Variants in PDE10A observed in about 807,000 individuals in gnomAD.
PDE10A encodes cAMP and cAMP-inhibited cGMP 3',5'-cyclic phosphodiesterase 10A.
A neutral mutation model predicts 97.7 loss-of-function variants in PDE10A; 39 were observed. The ratio of observed to expected loss-of-function variants is 0.40; its 90% CI spans 0.31 to 0.52. The LOEUF is 0.52. Ranked by LOEUF, PDE10A falls within the 20% of genes least tolerant of loss-of-function variation. PDE10A has a pLI of 0.56. For missense variants in PDE10A, 731 were observed against 1,047.8 expected (o/e 0.70, Z 4.17); for synonymous variants, 371 against 376.8 (o/e 0.98, Z 0.18).
intron 1 of PDE10A, among the ~76,000 whole-genome samples, chr6:165,673,092 A>G (rs202065478): frequency 2.3e-5 from 1 of 43,750 alleles, no homozygotes; most frequent in Admixed American, 1.8e-4. Context: ...CAGACCTGTC[A>G]TATCTAGGTG....
chr6:165,340,775 C>T (rs1052668395), intron 19 of PDE10A, among the ~76,000 whole-genome samples: 69 of 152,198 alleles, frequency 4.5e-4, no homozygotes, highest in African/African-American at 1.7e-3. Flanking sequence ...ACCTAAATGG[C>T]AGCTAGGGGC....
At chr6:165,972,662 C>T (rs1784719631) in intron 1 of PDE10A, among the ~76,000 whole-genome samples, 1 of 152,080 alleles carries the variant, frequency 6.6e-6, no homozygotes, top group Non-Finnish European at 1.5e-5. Context: ...CAGGTGCGTG[C>T]CCCTTCAGTG....
chr6:165,434,844 T>C (rs1480586799), intron 6 of PDE10A, among the ~76,000 whole-genome samples: 1 of 152,190 alleles, frequency 6.6e-6, no homozygotes, highest in African/African-American at 2.4e-5. Context: ...CTTAGATTCA[T>C]AAGAAATCAC....
At chr6:165,399,038 G>C (rs1159525828) in intron 13 of PDE10A, among the ~76,000 whole-genome samples, 2 of 152,008 alleles carry the variant, frequency 1.3e-5, no homozygotes, top group Admixed American at 6.6e-5. Flanking sequence ...ATAATAACAG[G>C]CTAGGTTGAT....
intron 18 of PDE10A, among the ~76,000 whole-genome samples, chr6:165,378,775 G>C (rs1239972433): frequency 6.6e-6 from 1 of 152,154 alleles, no homozygotes; most frequent in African/African-American, 2.4e-5. Context: ...GGGGAGTCCA[G>C]TTTCTACACC....
intron 5 of PDE10A, among the ~76,000 whole-genome samples, chr6:165,442,994 C>G (rs529676924): frequency 6.6e-6 from 1 of 151,736 alleles, no homozygotes; most frequent in South Asian, 2.1e-4. Context: ...TACCTGTAGT[C>G]CCAGCTACTC....
chr6:165,970,039 G>C (rs966500380), intron 1 of PDE10A, among the ~76,000 whole-genome samples: 1 of 152,200 alleles, frequency 6.6e-6, no homozygotes, highest in African/African-American at 2.4e-5. Context: ...GTCAGTAATA[G>C]GACAAATGGA....
At chr6:165,559,096 G>A (rs1266734404) in intron 1 of PDE10A, among the ~76,000 whole-genome samples, 4 of 152,172 alleles carry the variant, frequency 2.6e-5, no homozygotes, top group African/African-American at 9.7e-5. Flanking sequence ...TATGTCAAAG[G>A]TGACTCCAAA....
intron 1 of PDE10A, among the ~76,000 whole-genome samples, chr6:165,758,399 T>G (rs993887220): frequency 4.6e-5 from 7 of 151,972 alleles, no homozygotes; most frequent in South Asian, 2.1e-4. Flanking sequence ...AGGCAGAAGA[T>G]GCAGTGAGCC....
At chr6:165,665,713 GA>G (rs1790481840), upstream of PDE10A, among the ~76,000 whole-genome samples, 1 of 151,174 alleles carries the variant, frequency 6.6e-6, no homozygotes, top group African/African-American at 2.4e-5. Context: ...AAAACTAAAA[GA>G]ATATTAAGAG....
intron 1 of PDE10A, among the ~76,000 whole-genome samples, chr6:165,743,943 A>T (rs1792786771): frequency 6.6e-6 from 1 of 152,226 alleles, no homozygotes; most frequent in Admixed American, 6.5e-5. Context: ...GCCTGTGTTT[A>T]TCCGCACACA....
chr6:165,778,153 CA>C (rs1397589992), intron 1 of PDE10A, among the ~76,000 whole-genome samples: 1 of 152,108 alleles, frequency 6.6e-6, no homozygotes, highest in East Asian at 1.9e-4. Flanking sequence ...CAGTTCATTA[CA>C]ATCTCTGCCT....
chr6:165,619,273 C>CTAGTGTAGTGTAGTCTAGA, intron 1 of PDE10A, among the ~76,000 whole-genome samples: 1 of 33,770 alleles, frequency 3.0e-5, no homozygotes, highest in African/African-American at 1.5e-4. Context: ...TGTAGTCTAG[C>CTAGTGTAGTGTAGTCTAGA]GTAGTGTAGT....
chr6:165,595,321 C>T (rs898080044), intron 1 of PDE10A, among the ~76,000 whole-genome samples: 2 of 152,144 alleles, frequency 1.3e-5, no homozygotes, highest in Admixed American at 1.3e-4. Context: ...AAAGATGGCT[C>T]GAAGCCTTTG....
chr6:165,639,056 G>C (rs181706618), intron 1 of PDE10A, among the ~76,000 whole-genome samples: 108 of 143,904 alleles, frequency 7.5e-4, no homozygotes, highest in African/African-American at 2.3e-3. Context: ...GGGAGGGAGG[G>C]AGGGAGACAG....
chr6:165,619,396 A>G (rs1471195936), intron 1 of PDE10A, among the ~76,000 whole-genome samples: 2 of 148,420 alleles, frequency 1.3e-5, no homozygotes, highest in African/African-American at 2.5e-5. Flanking sequence ...AGTATAGTGT[A>G]GTGTAGTGTA....
chr6:165,588,289 T>C (rs5020607), intron 1 of PDE10A, among the ~76,000 whole-genome samples: 1,436 of 13,398 alleles, frequency 0.11, 102 homozygotes, highest in Admixed American at 0.14. Context: ...TTCTTTTTTT[T>C]TTTTTTTTTT....
chr6:165,403,471 T>C (rs1256177271), intron 13 of PDE10A, among the ~76,000 whole-genome samples: 1 of 152,160 alleles, frequency 6.6e-6, no homozygotes, highest in Non-Finnish European at 1.5e-5. Context: ...CTGTTAAACA[T>C]TTACTGCACA....
rs373577414 is a variant in PDE10A, at chr6:165,673,555, A to G, written c.-614-129987T>C. On this transcript the variant is annotated intron_variant, in intron 1 of 19. Coordinates refer to the PDE10A transcript ENST00000366882. ...GCAGCCCTATAATTCAGGCCTCTTC[A>G]GCCACTTCTGGTTTCAGAATATCAG... is the stretch of plus-strand genomic sequence containing the variant. Among the ~76,000 whole-genome samples, 16 of 152,370 alleles carry G rather than the reference A, an allele frequency of 1.1e-4. No individual in the cohort carries two copies. The East Asian group carries it at 2.3e-3, about 22-fold the overall frequency.
Sources: allele counts gnomAD v4.1 joint callset (sites outside exome capture counted in the v4.1 genomes callset), GRCh38; gene constraint gnomAD v4.1.1; transcripts MANE v1.5; gene names NCBI Gene and HGNC (gene_info 2026-07-23, HGNC 2026-07-21).